PSEN2: variants seen among roughly 807,000 people sequenced by gnomAD.
The protein encoded by PSEN2 is presenilin 2, also known as presenilin-2.
A neutral mutation model predicts 49.1 loss-of-function variants in PSEN2; 32 were observed. That is an observed-to-expected ratio of 0.65 (90% CI 0.49 to 0.88). PSEN2 has a LOEUF of 0.88. Among genes scored for constraint, PSEN2 ranks in the 40% least tolerant of loss-of-function variants. The pLI is 0.00. For missense variants in PSEN2, 522 were observed against 586.9 expected, an observed-to-expected ratio of 0.89 and a Z score of 1.14; for synonymous variants, 255 against 244.0, an observed-to-expected ratio of 1.05 and a Z score of -0.42.
At position 226,895,622 on chromosome 1, in the gene PSEN2, A is replaced by G; in HGVS notation, c.*43A>G. The G allele has an allele frequency of 6.3e-7, 1 of 1,581,390 alleles. No individual in the cohort carries two copies. The highest frequency in any genetic ancestry group is 8.6e-7 in the Non-Finnish European group (1 of 1,160,872). On this transcript the variant is annotated 3_prime_UTR_variant, in exon 13 of 13. Coordinates refer to ENST00000366783, the MANE Select transcript of PSEN2 (RefSeq NM_000447.3). The stretch of plus-strand genomic sequence containing the variant: ...AGGCTGCAAGCTGCAGGGAATTTTC[A>G]TTGGATGCAGTTGTATAGTTTTACA...
intron 1 of PSEN2, 90 bp downstream of exon 1, chr1:226,870,739 T>G (rs111297484): frequency 0.2 from 29,724 of 152,156 alleles, 3,158 homozygotes; most frequent in South Asian, 0.27. Context: ...CTGAGGGCCC[T>G]GCCCTGCCCT....
At chr1:226,886,473 A>T (rs112809286) in intron 6 of PSEN2, among the ~76,000 whole-genome samples, 72 of 152,318 alleles carry the variant, frequency 4.7e-4, no homozygotes, top group Non-Finnish European at 9.0e-4. Context: ...GGCCAGAATC[A>T]TGGGCACTGC....
chr1:226,891,305 C>T lies in PSEN2; in HGVS notation c.914C>T (p.Ala305Val), dbSNP rs200501733. The change falls in exon 10 of 13, where the codon GCG (alanine) becomes GTG (valine). Residue 305 changes from alanine (A) to valine (V), a missense_variant. Ala to Val is a moderately conservative substitution (Grantham distance 64). Transcript: ENST00000366783. ...SSAMVWTVGM[A>V]KLDPSSQGAL... The stretch of plus-strand genomic sequence containing the variant: ...GCCATGGTGTGGACGGTTGGCATGG[C>T]GAAGCTGGACCCCTCCTCTCAGGGT... 5 of 1,613,692 alleles carry T rather than the reference C, an allele frequency of 3.1e-6. No homozygotes were observed. The highest frequency in any genetic ancestry group is 4.5e-5 in the East Asian group (2 of 44,880).
chr1:226,886,622 C>G (rs1017068753), intron 6 of PSEN2, among the ~76,000 whole-genome samples: 1 of 152,248 alleles, frequency 6.6e-6, no homozygotes, highest in African/African-American at 2.4e-5. Context: ...AGGTGCCTCA[C>G]AGCATTTTTT....
intron 2 of PSEN2, among the ~76,000 whole-genome samples, chr1:226,872,155 C>T (rs1352048085): frequency 6.6e-6 from 1 of 152,146 alleles, no homozygotes; most frequent in Middle Eastern, 3.2e-3. Flanking sequence ...GCTGGGGTGC[C>T]TGGAGCTGTG....
At chr1:226,870,749 T>A (rs988676740) in intron 1 of PSEN2, 100 bp downstream of exon 1, 3 of 152,210 alleles carry the variant, frequency 2.0e-5, no homozygotes, top group African/African-American at 7.2e-5. Context: ...TGCCCTGCCC[T>A]CCGCACGCCT....
chr1:226,870,971 G>C (rs2102642810), intron 1 of PSEN2: 1 of 152,474 alleles, frequency 6.6e-6, no homozygotes, highest in South Asian at 2.1e-4. Flanking sequence ...GCCTGCCGCC[G>C]AGCCCCGGCT....
At chr1:226,879,489 C>T (rs1660842690) in intron 3 of PSEN2, among the ~76,000 whole-genome samples, 2 of 152,224 alleles carry the variant, frequency 1.3e-5, no homozygotes, top group African/African-American at 4.8e-5. Context: ...CTTACTCCTC[C>T]ATCAGGCACC....
intron 3 of PSEN2, among the ~76,000 whole-genome samples, chr1:226,876,273 C>T (rs1660623273): frequency 6.6e-6 from 1 of 152,166 alleles, no homozygotes; most frequent in East Asian, 1.9e-4. Context: ...GCAAAGCAGG[C>T]CCTCAGGAAT....
At chr1:226,876,678 C>T (rs550725883) in intron 3 of PSEN2, among the ~76,000 whole-genome samples, 15 of 152,202 alleles carry the variant, frequency 9.9e-5, no homozygotes, top group Non-Finnish European at 2.1e-4. Flanking sequence ...TGATCAGGTT[C>T]GTAAAGTTTT....
At chr1:226,876,569 A>G (rs1190889694) in intron 3 of PSEN2, among the ~76,000 whole-genome samples, 2 of 152,246 alleles carry the variant, frequency 1.3e-5, no homozygotes, top group African/African-American at 2.4e-5. Flanking sequence ...TCAAGAAAAT[A>G]AAAACCACTC....
At position 226,901,796 on chromosome 1, in the gene PSEN2, T is replaced by C. The variant is rs545621933; in HGVS notation, c.1192-6726T>C. Reference sequence around the variant, plus strand: ...AAAAAGGGGAAGATAACATTAATTCTTGAAGAGAAGGCCTCTGAGAAAAAT... The same window carrying C: ...AAAAAGGGGAAGATAACATTAATTCCTGAAGAGAAGGCCTCTGAGAAAAAT... On this transcript the variant is annotated intron_variant, in intron 12 of 14. Transcript: ENST00000676945. Among the ~76,000 whole-genome samples, 18 of 152,376 alleles carry C rather than the reference T, an allele frequency of 1.2e-4. No individual in the cohort carries two copies. In the South Asian group the frequency reaches 3.7e-3, roughly 32 times the overall value.
intron 3 of PSEN2, among the ~76,000 whole-genome samples, chr1:226,877,061 G>A (rs139832281): frequency 6.6e-6 from 1 of 152,302 alleles, no homozygotes; most frequent in African/African-American, 2.4e-5. Flanking sequence ...CTCTCATGTG[G>A]CAATCAAGTA....
Position 226,883,917 on chromosome 1 carries a change from G to A in PSEN2, c.354G>A (p.Gln118=). 6.2e-7 allele frequency: 1 copy of A among 1,610,874 alleles called. No individual in the cohort carries two copies. The highest frequency in any genetic ancestry group is 1.1e-5 in the South Asian group (1 of 90,970). The change falls in exon 5 of 13, where the codon CAG becomes CAA. Residue 118 remains glutamine (Q), a splice_region_variant and synonymous_variant. Coordinates refer to ENST00000366783, the MANE Select transcript of PSEN2 (RefSeq NM_000447.3). ...GCTTCTACACAGAGAAGAATGGACA[G>A]CTGTGAGTTGGGGGGCTGGGGGGAG... ...SVRFYTEKNG[Q]LIYTPFTEDT... is the part of the protein sequence containing the mutation.
At chr1:226,884,833 A>G (rs1171693740) in intron 5 of PSEN2, among the ~76,000 whole-genome samples, 1 of 152,132 alleles carries the variant, frequency 6.6e-6, no homozygotes, top group Admixed American at 6.5e-5. Flanking sequence ...AGAACACCTG[A>G]GCCCAGAAGT....
chr1:226,886,349 G>T (rs1163185785), intron 6 of PSEN2, among the ~76,000 whole-genome samples: 1 of 152,090 alleles, frequency 6.6e-6, no homozygotes, highest in Non-Finnish European at 1.5e-5. Flanking sequence ...TCCTTTTCGG[G>T]CAAGGATGTG....
In PSEN2 at chr1:226,888,916, C is replaced by T. The variant is rs1397847595; in HGVS notation, c.654C>T (p.Cys218=). 1 of 1,614,204 alleles carries T rather than the reference C, an allele frequency of 6.2e-7. No homozygotes were observed. The highest frequency in any genetic ancestry group is 8.5e-7 in the Non-Finnish European group (1 of 1,180,032). The change falls in exon 8 of 13, where the codon TGC becomes TGT. Residue 218 remains cysteine, a synonymous_variant. Coordinates refer to ENST00000366783, the MANE Select transcript of PSEN2 (RefSeq NM_000447.3). The stretch of plus-strand genomic sequence containing the variant: ...ACTTCGGGGCAGTGGGCATGGTGTG[C>T]ATCCACTGGAAGGGCCCTCTGGTGC... ...VWNFGAVGMV[C]IHWKGPLVLQ... is the part of the protein sequence containing the mutation.
At chr1:226,902,774 T>C (rs1471645586) in intron 12 of PSEN2, among the ~76,000 whole-genome samples, 2 of 152,124 alleles carry the variant, frequency 1.3e-5, no homozygotes, top group African/African-American at 4.8e-5. Context: ...GCACCTGTTA[T>C]AACCAAACCA....
chr1:226,902,244 G>A (rs1662341600), intron 12 of PSEN2, among the ~76,000 whole-genome samples: 1 of 152,178 alleles, frequency 6.6e-6, no homozygotes, highest in Non-Finnish European at 1.5e-5. Context: ...ATGAGAATCC[G>A]ATGCCACTGA....
Sources: gnomAD v4.1 joint callset for allele counts (sites outside exome capture counted in the v4.1 genomes callset) on GRCh38, gnomAD v4.1.1 for gene constraint, MANE v1.5 for transcripts, NCBI Gene and HGNC (gene_info 2026-07-23, HGNC 2026-07-21) for gene names.